CNTNAP5: variants seen among roughly 807,000 people sequenced by gnomAD.
The protein encoded by CNTNAP5 is contactin associated protein family member 5.
Under a neutral mutation model 150.2 loss-of-function variants are expected in CNTNAP5, and 72 were observed. That is an observed-to-expected ratio of 0.48 (90% confidence interval 0.40 to 0.58). CNTNAP5 has a LOEUF of 0.58. Ranked by LOEUF, CNTNAP5 falls within the 20% of genes least tolerant of loss-of-function variation. CNTNAP5 has a pLI of 0.00. For missense variants in CNTNAP5, 1,636 were observed against 1,626.2 expected (o/e 1.01, Z -0.10); for synonymous variants, 672 against 619.8 (o/e 1.08, Z -1.25).
At chr2:124,722,456 A>AGAAGAT (rs1365420925) in intron 13 of CNTNAP5, among the ~76,000 whole-genome samples, 1 of 152,178 alleles carries the variant, frequency 6.6e-6, no homozygotes, top group African/African-American at 2.4e-5. Context: ...GAAATTGAGA[A>AGAAGAT]GAAGATGGTG....
chr2:124,701,455 T>C (rs1422544267), intron 13 of CNTNAP5, among the ~76,000 whole-genome samples: 2 of 152,172 alleles, frequency 1.3e-5, no homozygotes, highest in Admixed American at 1.3e-4. Flanking sequence ...TTTTCATATA[T>C]TGGGTATTGT....
chr2:124,670,164 CCTTCCTTCCTT>C (rs1313138505), intron 13 of CNTNAP5, among the ~76,000 whole-genome samples: 19 of 135,246 alleles, frequency 1.4e-4, no homozygotes, highest in African/African-American at 5.3e-4. Context: ...TTCCTTCCTT[CCTTCCTTCCTT>C]CCTCCCTCTC....
At chr2:124,277,097 T>C (rs1309706842) in intron 3 of CNTNAP5, among the ~76,000 whole-genome samples, 3 of 152,086 alleles carry the variant, frequency 2.0e-5, no homozygotes, top group African/African-American at 7.2e-5. Flanking sequence ...ACATGTAAAA[T>C]ATAAATGTTG....
chr2:124,297,937 C>T (rs1162640076), intron 3 of CNTNAP5, among the ~76,000 whole-genome samples: 1 of 151,672 alleles, frequency 6.6e-6, no homozygotes, highest in South Asian at 2.1e-4. Context: ...CTCCGCCTCC[C>T]GGGTTCAAGC....
At chr2:124,632,817 A>G (rs1677892291) in intron 12 of CNTNAP5, among the ~76,000 whole-genome samples, 1 of 152,152 alleles carries the variant, frequency 6.6e-6, no homozygotes, top group Non-Finnish European at 1.5e-5. Flanking sequence ...AGGGAGCATG[A>G]TGCTTCTGGG....
At position 124,757,007 on chromosome 2, in the gene CNTNAP5, C is replaced by T. The variant is rs1680853968; in HGVS notation, c.2235-6665C>T. Among the ~76,000 whole-genome samples, 4 of 152,112 alleles carry T rather than the reference C, an allele frequency of 2.6e-5. No individual in the cohort carries two copies. The South Asian group carries it at 6.2e-4, about 24-fold the overall frequency. On this transcript the variant is annotated intron_variant, in intron 14 of 23. Coordinates refer to ENST00000682447, the MANE Select transcript of CNTNAP5 (RefSeq NM_001367498.1). The stretch of plus-strand genomic sequence containing the variant: ...ATGTATGCAATGAACAAAAACAAAA[C>T]AGAAGTAATAGCATGCCAGCACAAA...
At chr2:124,404,037 C>A (rs1219561603) in intron 3 of CNTNAP5, among the ~76,000 whole-genome samples, 1 of 152,178 alleles carries the variant, frequency 6.6e-6, no homozygotes, top group Non-Finnish European at 1.5e-5. Flanking sequence ...ATGGGAGCAA[C>A]ATTTCAAGAT....
Position 124,334,136 on chromosome 2 carries a change from G to A in CNTNAP5, c.382-83307G>A, listed in dbSNP as rs201583745. Among the ~76,000 whole-genome samples the A allele has an allele frequency of 2.6e-5, 4 of 152,254 alleles. No homozygotes were observed. In the East Asian group the frequency reaches 5.8e-4, roughly 22 times the overall value. ...GCTGAGGAGCCCAAAAATGCGTTGT[G>A]TGGTGCCTTTTCTGTGTTCCTTAAG... On this transcript the variant is annotated intron_variant, in intron 3 of 23. Coordinates refer to ENST00000682447, the MANE Select transcript of CNTNAP5 (RefSeq NM_001367498.1).
At chr2:124,772,493 C>A (rs961513212) in intron 16 of CNTNAP5, among the ~76,000 whole-genome samples, 1 of 152,088 alleles carries the variant, frequency 6.6e-6, no homozygotes, top group African/African-American at 2.4e-5. Context: ...ACAGCTGAAG[C>A]CACAATAGAT....
intron 3 of CNTNAP5, among the ~76,000 whole-genome samples, chr2:124,288,241 T>A (rs13027254): frequency 0.45 from 69,074 of 152,064 alleles, 15,834 homozygotes; most frequent in South Asian, 0.54. Context: ...GGACAGTATC[T>A]TTTAGTACTA....
chr2:124,510,483 A>G (rs1265754906), intron 8 of CNTNAP5, among the ~76,000 whole-genome samples: 14 of 20,566 alleles, frequency 6.8e-4, no homozygotes, highest in African/African-American at 2.0e-3. Flanking sequence ...ATGTGTATAT[A>G]TATATATATA....
intron 19 of CNTNAP5, among the ~76,000 whole-genome samples, chr2:124,819,848 A>G (rs1682446804): frequency 6.6e-6 from 1 of 152,206 alleles, no homozygotes; most frequent in Non-Finnish European, 1.5e-5. Flanking sequence ...AGGCTTTCCC[A>G]TCAGCTGCTC....
Position 124,785,329 on chromosome 2 carries a change from T to G in CNTNAP5, c.2753-4573T>G, listed in dbSNP as rs1461846972. 2.0e-5 allele frequency among the ~76,000 whole-genome samples: 3 copies of G among 152,196 alleles called. No homozygotes were observed. In the East Asian group the frequency reaches 5.8e-4, roughly 29 times the overall value. ...ACCCCAGTGCAGTTGAGAATTGCCA[T>G]GCAAGAAAGCAGGTTCATTGTTAAG... On this transcript the variant is annotated intron_variant, in intron 17 of 23. Transcript: ENST00000682447.
intron 8 of CNTNAP5, among the ~76,000 whole-genome samples, chr2:124,515,134 G>A (rs1443737301): frequency 6.6e-6 from 1 of 152,150 alleles, no homozygotes; most frequent in Non-Finnish European, 1.5e-5. Context: ...GGCATTAAAC[G>A]ACTAGGAAAG....
intron 22 of CNTNAP5, among the ~76,000 whole-genome samples, chr2:124,905,042 A>G (rs1678503374): frequency 6.8e-6 from 1 of 147,860 alleles, no homozygotes; most frequent in Admixed American, 6.7e-5. Context: ...CAATAGCAAA[A>G]AAAAAAAAAA....
At chr2:124,111,474 G>C (rs1205677202) in intron 1 of CNTNAP5, among the ~76,000 whole-genome samples, 1 of 152,106 alleles carries the variant, frequency 6.6e-6, no homozygotes, top group Non-Finnish European at 1.5e-5. Flanking sequence ...GTACACTGAT[G>C]CATATGAGCC....
At chr2:124,667,641 G>C (rs546847905) in intron 13 of CNTNAP5, among the ~76,000 whole-genome samples, 1 of 152,350 alleles carries the variant, frequency 6.6e-6, no homozygotes, top group East Asian at 1.9e-4. Flanking sequence ...GTCCAATTAA[G>C]AGGATGGAGC....
intron 3 of CNTNAP5, among the ~76,000 whole-genome samples, chr2:124,404,222 C>T (rs1040143839): frequency 2.0e-5 from 3 of 152,208 alleles, no homozygotes; most frequent in Non-Finnish European, 4.4e-5. Context: ...CCCGACATCC[C>T]CTGTCAAGGT....
chr2:124,411,345 A>G lies in CNTNAP5; in HGVS notation c.382-6098A>G, dbSNP rs867075391. Reference sequence around the variant, plus strand: ...TCCTTCTGAAACTATTCCAATCAATAGAAAAAGAGGGTATCCTCCCTAACT... The same window carrying G: ...TCCTTCTGAAACTATTCCAATCAATGGAAAAAGAGGGTATCCTCCCTAACT... On this transcript the variant is annotated intron_variant, in intron 3 of 23. Transcript: ENST00000682447. Among the ~76,000 whole-genome samples, 14 of 152,280 alleles carry G rather than the reference A, an allele frequency of 9.2e-5. No homozygotes were observed. In the South Asian group the frequency reaches 2.9e-3, roughly 32 times the overall value.
Sources: allele counts gnomAD v4.1 joint callset (sites outside exome capture counted in the v4.1 genomes callset), GRCh38; gene constraint gnomAD v4.1.1; transcripts MANE v1.5; gene names NCBI Gene and HGNC (gene_info 2026-07-23, HGNC 2026-07-21).